Variants in ERG observed in about 807,000 individuals in gnomAD.
The protein encoded by ERG is transcriptional regulator ERG.
ERG carries 9 observed loss-of-function variants against 55.3 expected under a neutral mutation model. That is an observed-to-expected ratio of 0.16 (90% CI 0.10 to 0.28). The LOEUF (loss-of-function observed/expected upper bound fraction) is 0.28, where lower values mean the gene tolerates loss of function less well. Among genes scored for constraint, ERG ranks in the 10% least tolerant of loss-of-function variants. The probability of loss-of-function intolerance (pLI) is 1.00; values close to 1 mark genes in which losing one functional copy is unlikely to be tolerated. For synonymous variants in ERG, 223 were observed against 237.3 expected (o/e 0.94, Z 0.55); for missense variants, 434 against 631.6 (o/e 0.69, Z 3.35).
intron 1 of ERG, among the ~76,000 whole-genome samples, chr21:38,609,346 C>T (rs867116610): frequency 3.9e-5 from 6 of 152,008 alleles, no homozygotes; most frequent in East Asian, 1.9e-4. Context: ...TTTCTAAAAA[C>T]GACATAGTAA....
At chr21:38,427,925 GC>G (rs1569090387) in intron 2 of ERG, among the ~76,000 whole-genome samples, 1 of 152,106 alleles carries the variant, frequency 6.6e-6, no homozygotes. Context: ...AGTGGCTCAC[GC>G]ATATAATCCC....
At position 38,620,532 on chromosome 21, in the gene ERG, G is replaced by C. The variant is rs577858320; in HGVS notation, c.-149-35587C>G. 2.0e-5 allele frequency among the ~76,000 whole-genome samples: 3 copies of C among 152,242 alleles called. No individual in the cohort carries two copies. The South Asian group carries it at 6.2e-4, about 32-fold the overall frequency. On this transcript the variant is annotated intron_variant, in intron 1 of 10. Transcript: ENST00000398910. ...CTTTTACAGGTTACATTGTCTCACA[G>C]GTAAGGAATGGAATTTTTAATACAT...
chr21:38,381,166 G>C lies in ERG; in HGVS notation c.*2237C>G. The stretch of plus-strand genomic sequence containing the variant: ...CCACTGCCAAAACATCCACAGCACA[G>C]AGGTTTGGCAACTTCACATAATCAT... On this transcript the variant is annotated 3_prime_UTR_variant, in exon 10 of 10. Transcript: ENST00000288319. The C allele has an allele frequency of 9.4e-7, 1 of 1,065,360 alleles. No individual in the cohort carries two copies. The highest frequency in any genetic ancestry group is 1.1e-6 in the Non-Finnish European group (1 of 879,288). 66.0% of individuals were successfully genotyped at this position (1,065,360 alleles called of 1,614,324 possible). A position where few individuals can be genotyped will look rare whatever the true frequency, so the allele number is the denominator to read the frequency against.
intron 2 of ERG, among the ~76,000 whole-genome samples, chr21:38,568,478 G>C (rs1277410676): frequency 1.3e-5 from 2 of 152,138 alleles, no homozygotes; most frequent in Admixed American, 1.3e-4. Context: ...GCTTCACACT[G>C]AGATCATCTG....
intron 3 of ERG, among the ~76,000 whole-genome samples, chr21:38,411,779 A>G (rs1989066009): frequency 6.6e-6 from 1 of 152,206 alleles, no homozygotes; most frequent in Non-Finnish European, 1.5e-5. Context: ...AATGTCACTG[A>G]CCTATCAATT....
downstream of ERG, among the ~76,000 whole-genome samples, chr21:38,378,862 C>G (rs1407755960): frequency 6.6e-6 from 1 of 152,208 alleles, no homozygotes; most frequent in African/African-American, 2.4e-5. Flanking sequence ...AGCCCTGGAA[C>G]AAGCATTTGT....
chr21:38,370,048 T>C, the ERG span, among the ~76,000 whole-genome samples: 1 of 152,260 alleles, frequency 6.6e-6, no homozygotes, highest in Non-Finnish European at 1.5e-5. Context: ...TAAAGTTGGG[T>C]AGTGTGATGC....
chr21:38,471,823 G>C (rs1374061111), intron 1 of ERG: 1 of 152,144 alleles, frequency 6.6e-6, no homozygotes, highest in South Asian at 2.1e-4. Context: ...CTAATTACAC[G>C]TGAAAATACT....
intron 2 of ERG, among the ~76,000 whole-genome samples, chr21:38,536,332 C>G (rs1353961380): frequency 2.6e-5 from 4 of 152,160 alleles, no homozygotes; most frequent in East Asian, 3.8e-4. Context: ...TTTGGGAAAA[C>G]AGCCCACATG....
the ERG span, among the ~76,000 whole-genome samples, chr21:38,369,243 A>T: frequency 6.6e-6 from 1 of 152,198 alleles, no homozygotes; most frequent in Non-Finnish European, 1.5e-5. Flanking sequence ...ACAGTGTATA[A>T]GCATTCCTTT....
At chr21:38,524,907 C>G (rs925192597) in intron 2 of ERG, among the ~76,000 whole-genome samples, 4 of 152,178 alleles carry the variant, frequency 2.6e-5, no homozygotes, top group Non-Finnish European at 5.9e-5. Flanking sequence ...AATTCTCCAG[C>G]CTTCTCTGTT....
chr21:38,629,117 C>G (rs2060342245), intron 1 of ERG, among the ~76,000 whole-genome samples: 1 of 152,212 alleles, frequency 6.6e-6, no homozygotes, highest in Non-Finnish European at 1.5e-5. Context: ...GGAACACAGG[C>G]TCCCAGCTGC....
rs1001369322 is a variant in ERG, at chr21:38,380,466, C to T, written c.*2937G>A. On this transcript the variant is annotated 3_prime_UTR_variant, in exon 10 of 10. Coordinates refer to ENST00000288319, the MANE Select transcript of ERG (RefSeq NM_182918.4). ...TTTACCACATACAAGGCCCGAAAGC[C>T]AATTGAAGACAAGAAAAGAAGACAA... 2.5e-5 allele frequency: 27 copies of T among 1,064,626 alleles called. No individual in the cohort carries two copies. Among genetic ancestry groups the T allele is most frequent in the Non-Finnish European group, 2.7e-5 (24 of 878,996 alleles). The allele number at this position is 1,064,626 out of a possible 1,614,324, so 65.9% of individuals were successfully genotyped here. A position where few individuals can be genotyped will look rare whatever the true frequency, so the allele number is the denominator to read the frequency against.
chr21:38,502,922 T>G (rs2059431781), upstream of ERG, among the ~76,000 whole-genome samples: 1 of 152,164 alleles, frequency 6.6e-6, no homozygotes, highest in Non-Finnish European at 1.5e-5. Flanking sequence ...AGACAGGTTT[T>G]CACCATGTTG....
downstream of ERG, among the ~76,000 whole-genome samples, chr21:38,376,531 C>G (rs963303470): frequency 5.9e-5 from 9 of 152,258 alleles, no homozygotes; most frequent in South Asian, 2.1e-4. Flanking sequence ...CAGGCTTAAC[C>G]CATGTTCTTC....
chr21:38,494,377 CT>C (rs1003635499), intron 1 of ERG, among the ~76,000 whole-genome samples: 2 of 152,234 alleles, frequency 1.3e-5, no homozygotes, highest in African/African-American at 4.8e-5. Context: ...ATCCGTCTGG[CT>C]TCCCCATGGC....
rs1988442233 is a variant in ERG at position 38,400,597 on chromosome 21, G to A, written c.722C>T (p.Thr241Met). 1 of 1,613,824 alleles carries A rather than the reference G, an allele frequency of 6.2e-7. No homozygotes were observed. The highest frequency in any genetic ancestry group is 8.5e-7 in the Non-Finnish European group (1 of 1,179,694). Residue 241 changes from threonine to methionine, a missense_variant, in exon 6 of 10, where the codon ACG (threonine) becomes ATG (methionine). Transcript: ENST00000288319. ...FPNTSVYPEA[T>M]QRITTRPDLP... is the part of the protein sequence containing the mutation. ...ACCTGGCCTAGTTGTAATTCTTTGC[G>A]TAGCTTCAGGATATACTGAAGTATT... is the stretch of plus-strand genomic sequence containing the variant.
At chr21:38,479,920 C>A (rs937130291) in intron 1 of ERG, among the ~76,000 whole-genome samples, 1 of 152,196 alleles carries the variant, frequency 6.6e-6, no homozygotes, top group Non-Finnish European at 1.5e-5. Context: ...ACAGAACTTT[C>A]ACCTTTTCAC....
intron 1 of ERG, among the ~76,000 whole-genome samples, chr21:38,609,011 A>T (rs2060211205): frequency 6.6e-6 from 1 of 152,226 alleles, no homozygotes; most frequent in Non-Finnish European, 1.5e-5. Flanking sequence ...TAACATACCC[A>T]TCATCTCCCA....
Sources: gnomAD v4.1 joint callset for allele counts (sites outside exome capture counted in the v4.1 genomes callset) on GRCh38, gnomAD v4.1.1 for gene constraint, MANE v1.5 for transcripts, NCBI Gene and HGNC (gene_info 2026-07-23, HGNC 2026-07-21) for gene names.